SHANK2: variants seen among roughly 807,000 people sequenced by gnomAD.
The protein encoded by SHANK2 is SH3 and multiple ankyrin repeat domains protein 2.
SHANK2 carries 43 observed loss-of-function variants against 133.7 expected under a neutral mutation model. That is an observed-to-expected ratio of 0.32 (90% confidence interval 0.25 to 0.41). The LOEUF (loss-of-function observed/expected upper bound fraction) is 0.41, where lower values mean the gene tolerates loss of function less well. SHANK2 is among the 10% of genes least tolerant of loss of function. The pLI is 1.00. For synonymous variants in SHANK2, 1,017 were observed against 952.8 expected (o/e 1.07, Z -1.24); for missense variants, 1,994 against 2,235.8 (o/e 0.89, Z 2.18).
intron 2 of SHANK2, among the ~76,000 whole-genome samples, chr11:71,168,670 C>T (rs978631697): frequency 6.6e-6 from 1 of 152,158 alleles, no homozygotes. Flanking sequence ...CAAAAAAATA[C>T]GAAAACCAGT....
chr11:71,091,208 C>A (rs573229185), intron 8 of SHANK2, among the ~76,000 whole-genome samples: 2 of 152,290 alleles, frequency 1.3e-5, no homozygotes, highest in East Asian at 3.9e-4. Flanking sequence ...TCCCTGCCTG[C>A]GGGCTCCAGC....
chr11:70,641,562 C>A (rs1361011382), intron 17 of SHANK2, among the ~76,000 whole-genome samples: 3 of 152,142 alleles, frequency 2.0e-5, no homozygotes, highest in Admixed American at 6.6e-5. Flanking sequence ...TTGCAGTCAA[C>A]GGAACAGAAG....
intron 17 of SHANK2, among the ~76,000 whole-genome samples, chr11:70,652,598 C>T (rs1371458929): frequency 1.3e-5 from 2 of 152,016 alleles, no homozygotes; most frequent in Non-Finnish European, 2.9e-5. Context: ...TCATTTGAGG[C>T]CAGGAGTTTG....
intron 15 of SHANK2, among the ~76,000 whole-genome samples, chr11:70,693,004 C>A (rs146139707): frequency 1.3e-5 from 2 of 152,286 alleles, no homozygotes; most frequent in African/African-American, 4.8e-5. Flanking sequence ...GAGCTCCTCC[C>A]GGCAAAAACG....
intron 2 of SHANK2, among the ~76,000 whole-genome samples, chr11:71,167,642 G>A (rs1299053219): frequency 5.5e-5 from 8 of 145,084 alleles, no homozygotes; most frequent in South Asian, 2.2e-4. Flanking sequence ...CTCACTTCCC[G>A]GACAGGACAG....
intron 14 of SHANK2, among the ~76,000 whole-genome samples, chr11:70,744,727 C>T (rs942943608): frequency 2.0e-5 from 3 of 152,352 alleles, no homozygotes; most frequent in East Asian, 1.9e-4. Flanking sequence ...CACAGCCAGA[C>T]GAAGTTTCTT....
At chr11:71,134,001 C>A (rs1262255676) in intron 3 of SHANK2, among the ~76,000 whole-genome samples, 1 of 149,634 alleles carries the variant, frequency 6.7e-6, no homozygotes. Context: ...TTCTGAGTAG[C>A]TGGGATTACA....
At chr11:70,612,259 A>T (rs2060668870) in intron 17 of SHANK2, among the ~76,000 whole-genome samples, 1 of 152,072 alleles carries the variant, frequency 6.6e-6, no homozygotes. Context: ...GGCAGGAGAG[A>T]ATCAGGGCTG....
chr11:70,846,006 C>T (rs927189278), intron 11 of SHANK2, among the ~76,000 whole-genome samples: 7 of 152,272 alleles, frequency 4.6e-5, no homozygotes, highest in African/African-American at 9.6e-5. Context: ...CAAGGGCAGC[C>T]GCCAAGGTTT....
chr11:71,176,004 C>T (rs1411915390), intron 2 of SHANK2, among the ~76,000 whole-genome samples: 1 of 152,178 alleles, frequency 6.6e-6, no homozygotes, highest in Non-Finnish European at 1.5e-5. Flanking sequence ...TGTAACAAAC[C>T]ACCTTAGGCC....
rs377145353 is a variant in SHANK2 at position 71,153,754 on chromosome 11, G to A, written c.-12-6416C>T. The stretch of plus-strand genomic sequence containing the variant: ...GGCCAAGGTGGGTGGATCACCTGAG[G>A]TCACTCAGGAGTTTGAGACCAGCCG... On this transcript the variant is annotated intron_variant, in intron 2 of 25. Coordinates refer to ENST00000601538, the MANE Select transcript of SHANK2 (RefSeq NM_012309.5). Among the ~76,000 whole-genome samples, 4 of 152,262 alleles carry A rather than the reference G, an allele frequency of 2.6e-5. No individual in the cohort carries two copies. The East Asian group carries it at 5.8e-4, about 22-fold the overall frequency.
chr11:70,622,417 C>T (rs1253609358), intron 17 of SHANK2, among the ~76,000 whole-genome samples: 1 of 152,178 alleles, frequency 6.6e-6, no homozygotes, highest in South Asian at 2.1e-4. Context: ...GCTTCCTGAC[C>T]CTCTGTGCGA....
chr11:70,898,282 GCA>G lies in SHANK2; in HGVS notation c.1108-1717_1108-1716del, dbSNP rs71467421. On this transcript the variant is annotated intron_variant, in intron 10 of 25. Coordinates refer to ENST00000601538, the MANE Select transcript of SHANK2 (RefSeq NM_012309.5). ...TGCCTGGCCAAATATATACACACAC[GCA>G]CACACACACACACACACACACACAC... 4.0e-3 allele frequency among the ~76,000 whole-genome samples: 547 copies of G among 135,474 alleles called. 3 individuals carry two copies. The highest frequency in any genetic ancestry group is 8.2e-3 in the African/African-American group (290 of 35,458). The allele number at this position is 135,474 out of a possible 152,430, so 88.9% of individuals were successfully genotyped here. A position where few individuals can be genotyped will look rare whatever the true frequency, so the allele number is the denominator to read the frequency against.
intron 3 of SHANK2, among the ~76,000 whole-genome samples, chr11:71,123,091 G>A (rs1262068634): frequency 6.6e-6 from 1 of 152,136 alleles, no homozygotes. Flanking sequence ...CCACCCACGT[G>A]TTCACACCAG....
chr11:70,661,824 C>T, intron 15 of SHANK2, 146 bp from the exon 16 acceptor site: 1 of 1,609,142 alleles, frequency 6.2e-7, no homozygotes. Context: ...AAGGAGGCAG[C>T]GAGGGTGCAG....
intron 14 of SHANK2, among the ~76,000 whole-genome samples, chr11:70,795,372 GTTCTT>G (rs1402890806): frequency 1.0e-4 from 15 of 150,546 alleles, no homozygotes; most frequent in Admixed American, 8.6e-4. Flanking sequence ...AATCACATGG[GTTCTT>G]TTCTTTTCTT....
intron 11 of SHANK2, among the ~76,000 whole-genome samples, chr11:70,879,213 C>T (rs145853689): frequency 0.014 from 2,129 of 152,356 alleles, 26 homozygotes; most frequent in Non-Finnish European, 0.023. Flanking sequence ...CTAAAAGCAA[C>T]AGCACTTAGG....
intron 21 of SHANK2, chr11:70,495,809 A>G (rs2058962156): frequency 5.1e-6 from 1 of 196,320 alleles, no homozygotes; most frequent in Non-Finnish European, 1.1e-5. Flanking sequence ...GGGGCATTCC[A>G]GGTGGCGAGC....
intron 14 of SHANK2, among the ~76,000 whole-genome samples, chr11:70,775,251 T>G (rs1555043675): frequency 6.6e-6 from 1 of 151,622 alleles, no homozygotes; most frequent in African/African-American, 2.4e-5. Context: ...AGGTCAGGAG[T>G]TCAAGACCAG....
Sources: gnomAD v4.1 joint callset for allele counts (sites outside exome capture counted in the v4.1 genomes callset) on GRCh38, gnomAD v4.1.1 for gene constraint, MANE v1.5 for transcripts, NCBI Gene and HGNC (gene_info 2026-07-23, HGNC 2026-07-21) for gene names.